The following PTPRN2 variants were observed in gnomAD, a reference collection of about 807,000 sequenced individuals.
PTPRN2 encodes receptor-type tyrosine-protein phosphatase N2.
In PTPRN2, 74 loss-of-function variants were observed where a neutral mutation model predicts 118.8. The observed-to-expected ratio is 0.62, with a 90% CI of 0.52 to 0.76. The LOEUF (loss-of-function observed/expected upper bound fraction) is 0.76, where lower values mean the gene tolerates loss of function less well. PTPRN2 is among the 30% of genes least tolerant of loss of function. The probability of loss-of-function intolerance (pLI) is 0.00; values close to 1 mark genes in which losing one functional copy is unlikely to be tolerated. For synonymous variants in PTPRN2, 641 were observed against 608.0 expected, an observed-to-expected ratio of 1.05 and a Z score of -0.80; for missense variants, 1,481 against 1,394.4, an observed-to-expected ratio of 1.06 and a Z score of -0.99.
chr7:157,545,435 G>A lies in PTPRN2; in HGVS notation c.2976+3511C>T, dbSNP rs111974054. Among the ~76,000 whole-genome samples the A allele has an allele frequency of 2.5e-3, 379 of 150,654 alleles. 1 individual carries two copies. The highest frequency in any genetic ancestry group is 8.7e-3 in the African/African-American group (358 of 40,990). On this transcript the variant is annotated intron_variant, in intron 22 of 22. Coordinates refer to ENST00000389418, the MANE Select transcript of PTPRN2 (RefSeq NM_002847.5). Reference sequence around the variant, plus strand: ...TGTAGGTGTGTGTGGATGTATGCATGGGTGTGTGCAGGTGTGTGGGTGTGC... The same window carrying A: ...TGTAGGTGTGTGTGGATGTATGCATAGGTGTGTGCAGGTGTGTGGGTGTGC...
At chr7:158,286,274 T>C (rs940779001) in intron 3 of PTPRN2, among the ~76,000 whole-genome samples, 2 of 152,262 alleles carry the variant, frequency 1.3e-5, no homozygotes, top group Non-Finnish European at 1.5e-5. Context: ...GGATTCTATA[T>C]GTAAGATCAT....
chr7:158,292,562 T>C (rs1220133447), intron 3 of PTPRN2, among the ~76,000 whole-genome samples: 1 of 152,210 alleles, frequency 6.6e-6, no homozygotes, highest in Middle Eastern at 3.2e-3. Flanking sequence ...CATTAGGTGA[T>C]CCTGTCACTG....
rs76748372 is a variant in PTPRN2 at position 157,621,790 on chromosome 7, A to G, written c.2197-281T>C. ...CCGCTGAGATGACAACAATTATCACATGCTTTAACGACAGGGCCAGGGAGC... is the reference window on the plus strand; with the variant it reads ...CCGCTGAGATGACAACAATTATCACGTGCTTTAACGACAGGGCCAGGGAGC... On this transcript the variant is annotated intron_variant, in intron 14 of 22. Transcript: ENST00000389418. Among the ~76,000 whole-genome samples, 634 of 151,340 alleles carry G rather than the reference A, an allele frequency of 4.2e-3. 3 individuals carry two copies. The highest frequency in any genetic ancestry group is 0.015 in the African/African-American group (617 of 41,238).
intron 3 of PTPRN2, among the ~76,000 whole-genome samples, chr7:158,213,924 A>C (rs76888850): frequency 0.041 from 6,253 of 152,202 alleles, 458 homozygotes; most frequent in African/African-American, 0.14. Context: ...TATAAGTCTG[A>C]GTTATGTCAA....
chr7:158,195,482 T>C (rs1327170371), intron 4 of PTPRN2, among the ~76,000 whole-genome samples: 1 of 152,230 alleles, frequency 6.6e-6, no homozygotes, highest in Non-Finnish European at 1.5e-5. Context: ...TCTGTGAGTT[T>C]ATCATTTTTA....
At chr7:158,506,319 G>A (rs1350883546) in intron 1 of PTPRN2, among the ~76,000 whole-genome samples, 2 of 152,154 alleles carry the variant, frequency 1.3e-5, no homozygotes, top group Non-Finnish European at 2.9e-5. Context: ...TGAAGAACAT[G>A]GCCAAGGCTG....
intron 11 of PTPRN2, among the ~76,000 whole-genome samples, chr7:158,010,306 C>T (rs112495788): frequency 4.6e-5 from 7 of 152,188 alleles, no homozygotes; most frequent in South Asian, 2.1e-4. Flanking sequence ...AGGCCTCAGA[C>T]GTTGTAGGTG....
At chr7:157,992,877 G>C (rs1041702408) in intron 11 of PTPRN2, among the ~76,000 whole-genome samples, 2 of 152,278 alleles carry the variant, frequency 1.3e-5, no homozygotes, top group African/African-American at 4.8e-5. Flanking sequence ...AGTATCTTCA[G>C]TTTTGCCCAC....
chr7:158,554,546 C>G (rs1229312688), intron 1 of PTPRN2, among the ~76,000 whole-genome samples: 3 of 152,056 alleles, frequency 2.0e-5, no homozygotes, highest in Non-Finnish European at 4.4e-5. Flanking sequence ...GAGGGTAGAG[C>G]CTTGAATACT....
chr7:158,075,811 G>A (rs186318674), intron 11 of PTPRN2, among the ~76,000 whole-genome samples: 3 of 152,182 alleles, frequency 2.0e-5, no homozygotes, highest in East Asian at 1.9e-4. Flanking sequence ...GGATGAGCAC[G>A]AGCCCCACGC....
rs147460479 is a variant in PTPRN2, at chr7:158,352,726, T to G, written c.164-35794A>C. ...ACGAATCACACCTGAGCCTCAAAGC[T>G]CTTAGCCCTTCCCTGCAAAGAAAAC... On this transcript the variant is annotated intron_variant, in intron 2 of 22. Coordinates refer to ENST00000389418, the MANE Select transcript of PTPRN2 (RefSeq NM_002847.5). Among the ~76,000 whole-genome samples, 49 of 152,334 alleles carry G rather than the reference T, an allele frequency of 3.2e-4. No individual in the cohort carries two copies. In the East Asian group the frequency reaches 6.6e-3, roughly 20 times the overall value.
intron 1 of PTPRN2, among the ~76,000 whole-genome samples, chr7:158,528,133 C>CA (rs781163518): frequency 9.3e-4 from 141 of 152,362 alleles, no homozygotes; most frequent in Middle Eastern, 3.4e-3. Context: ...AAGCTGCTAG[C>CA]AACTGGCTGT....
intron 2 of PTPRN2, among the ~76,000 whole-genome samples, chr7:158,450,578 C>T (rs533143910): frequency 1.3e-5 from 2 of 152,362 alleles, no homozygotes; most frequent in East Asian, 1.9e-4. Context: ...TTGATGGAAG[C>T]TGTGCTCACG....
intron 14 of PTPRN2, among the ~76,000 whole-genome samples, chr7:157,634,954 TC>T (rs1246186620): frequency 1.3e-5 from 2 of 152,158 alleles, no homozygotes; most frequent in East Asian, 3.9e-4. Flanking sequence ...GGCCTCCAGG[TC>T]CCAGATGTTC....
intron 11 of PTPRN2, among the ~76,000 whole-genome samples, chr7:157,983,025 G>A (rs866021733): frequency 4.4e-3 from 2 of 454 alleles, no homozygotes; most frequent in Admixed American, 0.014. Flanking sequence ...AATGCAGAGT[G>A]CAGGGTCCCC....
chr7:157,832,472 G>T (rs1807629681), intron 12 of PTPRN2, among the ~76,000 whole-genome samples: 1 of 152,160 alleles, frequency 6.6e-6, no homozygotes, highest in Non-Finnish European at 1.5e-5. Flanking sequence ...GTTCTGTTGA[G>T]TTCAAAGAGA....
intron 12 of PTPRN2, among the ~76,000 whole-genome samples, chr7:157,839,402 C>T (rs537594559): frequency 1.9e-4 from 28 of 148,920 alleles, no homozygotes; most frequent in African/African-American, 6.2e-4. Flanking sequence ...GTGTGTGTGG[C>T]GTGTGTTTGT....
chr7:158,312,684 T>C (rs1264225153), intron 3 of PTPRN2, among the ~76,000 whole-genome samples: 2 of 134,128 alleles, frequency 1.5e-5, no homozygotes, highest in Non-Finnish European at 3.2e-5. Context: ...CACACATGCA[T>C]GCACACCTGC....
At chr7:157,821,368 G>A (rs1806828975) in intron 12 of PTPRN2, among the ~76,000 whole-genome samples, 1 of 152,334 alleles carries the variant, frequency 6.6e-6, no homozygotes, top group South Asian at 2.1e-4. Context: ...GCCATTTGGA[G>A]TTATACAGAT....
Sources: allele counts gnomAD v4.1 joint callset (sites outside exome capture counted in the v4.1 genomes callset), GRCh38; gene constraint gnomAD v4.1.1; transcripts MANE v1.5; gene names NCBI Gene and HGNC (gene_info 2026-07-23, HGNC 2026-07-21).